Variants in DDX46 observed in about 807,000 individuals in gnomAD.
DDX46 encodes the protein probable ATP-dependent RNA helicase DDX46.
A neutral mutation model predicts 134.9 loss-of-function variants in DDX46; 30 were observed. That is an observed-to-expected ratio of 0.22 (90% CI 0.17 to 0.30). The LOEUF (loss-of-function observed/expected upper bound fraction) is 0.30, where lower values mean the gene tolerates loss of function less well. Among genes scored for constraint, DDX46 ranks in the 10% least tolerant of loss-of-function variants. The pLI is 1.00. For synonymous variants in DDX46, 415 were observed against 404.1 expected (o/e 1.03, Z -0.32); for missense variants, 622 against 1,248.7 (o/e 0.50, Z 7.56).
chr5:134,781,246 G>T lies in DDX46; in HGVS notation c.879G>T (p.Glu293Asp). ...ELMENDQDAM[E>D]YSSEEEEVDL... ...TGGAGAATGACCAGGATGCCATGGA[G>T]GTGATTTTTCTTAATTTTGACTTTG... The change falls in exon 7 of 23, where the codon GAG (glutamate) becomes GAT (aspartate). Residue 293 changes from glutamate to aspartate, a missense_variant and splice_region_variant. Physicochemically the swap from Glu to Asp is conservative, Grantham distance 45 (BLOSUM62 2). Around this residue, in one of 8 missense-constraint regions of DDX46, gnomAD observed 9 missense variants for 37.7 expected, o/e 0.24. Coordinates refer to ENST00000452510, the MANE Select transcript of DDX46 (RefSeq NM_001300860.2). 1 of 1,600,574 alleles carries T rather than the reference G, an allele frequency of 6.2e-7. No homozygotes were observed. Among genetic ancestry groups the T allele is most frequent in the South Asian group, 1.1e-5 (1 of 88,012 alleles).
chr5:134,797,167 CA>C (rs61547263), intron 15 of DDX46: 868 of 22,850 alleles, frequency 0.038, no homozygotes, highest in South Asian at 0.063. Context: ...AACTCCGTCT[CA>C]AAAAAAAAAA....
At chr5:134,771,869 G>T (rs973483323) in intron 4 of DDX46, among the ~76,000 whole-genome samples, 1 of 152,194 alleles carries the variant, frequency 6.6e-6, no homozygotes, top group Non-Finnish European at 1.5e-5. Flanking sequence ...CGCAATATCT[G>T]TTTTTACATA....
intron 18 of DDX46, among the ~76,000 whole-genome samples, chr5:134,813,109 T>C (rs1288736788): frequency 6.6e-6 from 1 of 151,926 alleles, no homozygotes; most frequent in Non-Finnish European, 1.5e-5. Context: ...GCTTGGCTAA[T>C]TTTTTTTGTA....
chr5:134,804,421 T>C (rs1754922995), intron 15 of DDX46, among the ~76,000 whole-genome samples: 1 of 152,128 alleles, frequency 6.6e-6, no homozygotes, highest in African/African-American at 2.4e-5. Context: ...TTGGCAAAAA[T>C]GTAAATCAGT....
At chr5:134,783,123 C>CA in intron 9 of DDX46, 58 bp downstream of exon 9, 1 of 1,576,638 alleles carries the variant, frequency 6.3e-7, no homozygotes, top group Non-Finnish European at 8.6e-7. Flanking sequence ...ATAGTCCTTC[C>CA]ACACCAGTGT....
At position 134,790,829 on chromosome 5, in the gene DDX46, A is replaced by AT. The variant is rs1248200615; in HGVS notation, c.1626+288dup. On this transcript the variant is annotated intron_variant, in intron 13 of 22. Coordinates refer to ENST00000452510, the MANE Select transcript of DDX46 (RefSeq NM_001300860.2). ...GTGCTAATAATAGAGCTTAAGCCTT[A>AT]TTTTTTTTTTTCAGATGGAGTCTTG... 3.1e-3 allele frequency among the ~76,000 whole-genome samples: 465 copies of AT among 148,000 alleles called. 4 individuals are homozygous for AT. The highest frequency in any genetic ancestry group is 0.016 in the South Asian group (73 of 4,676).
At chr5:134,783,846 G>T (rs987973659) in intron 9 of DDX46, among the ~76,000 whole-genome samples, 4 of 148,350 alleles carry the variant, frequency 2.7e-5, no homozygotes, top group African/African-American at 1.0e-4. Flanking sequence ...ACCAAGGCCG[G>T]CCTTTTTTTT....
intron 13 of DDX46, among the ~76,000 whole-genome samples, chr5:134,791,125 T>C (rs913429780): frequency 6.6e-6 from 1 of 152,262 alleles, no homozygotes; most frequent in Admixed American, 6.5e-5. Flanking sequence ...GCCCATTGTC[T>C]TTTTAAATAA....
chr5:134,765,411 G>C (rs1281328868), intron 2 of DDX46, among the ~76,000 whole-genome samples: 1 of 150,850 alleles, frequency 6.6e-6, no homozygotes, highest in Admixed American at 6.6e-5. Flanking sequence ...AAATTAGCCA[G>C]GTGTGGTGGT....
At chr5:134,760,981 G>A (rs914179856) in intron 1 of DDX46, among the ~76,000 whole-genome samples, 1 of 151,898 alleles carries the variant, frequency 6.6e-6, no homozygotes, top group African/African-American at 2.4e-5. Context: ...CACCCGCCTC[G>A]GCCTCCCAAA....
At chr5:134,791,459 G>C (rs1185468117) in intron 13 of DDX46, among the ~76,000 whole-genome samples, 1 of 152,090 alleles carries the variant, frequency 6.6e-6, no homozygotes, top group Non-Finnish European at 1.5e-5. Flanking sequence ...TACTCAGGAG[G>C]CTGAGGCAGG....
At chr5:134,827,361 G>A (rs1350265087) in intron 22 of DDX46, among the ~76,000 whole-genome samples, 2 of 151,212 alleles carry the variant, frequency 1.3e-5, no homozygotes, top group Non-Finnish European at 2.9e-5. Flanking sequence ...TGCAACCTCC[G>A]CCTCCTGCGT....
rs192713075 is a variant in DDX46, at chr5:134,774,264, A to G, written c.613+403A>G. On this transcript the variant is annotated intron_variant, in intron 5 of 22. Transcript: ENST00000452510. ...ACTTAGCATAATGTCTTCAAGGTGCATGTATGTTGTAGCATGTTGGAATTT... is the reference window on the plus strand; with the variant it reads ...ACTTAGCATAATGTCTTCAAGGTGCGTGTATGTTGTAGCATGTTGGAATTT... Among the ~76,000 whole-genome samples, 6 of 152,274 alleles carry G rather than the reference A, an allele frequency of 3.9e-5. No homozygotes were observed. In the East Asian group the frequency reaches 9.6e-4, roughly 24 times the overall value.
intron 1 of DDX46, among the ~76,000 whole-genome samples, chr5:134,762,279 G>A (rs865967394): frequency 6.6e-6 from 1 of 151,044 alleles, no homozygotes; most frequent in African/African-American, 2.4e-5. Flanking sequence ...ATTGGTGGGC[G>A]CGGTGGTGTG....
intron 15 of DDX46, among the ~76,000 whole-genome samples, chr5:134,804,154 C>T (rs537339513): frequency 2.6e-5 from 4 of 151,732 alleles, no homozygotes; most frequent in Non-Finnish European, 4.4e-5. Flanking sequence ...GGTGATCTGC[C>T]CACTTTGGCC....
chr5:134,823,619 A>T (rs1755515822), intron 21 of DDX46, among the ~76,000 whole-genome samples: 1 of 152,244 alleles, frequency 6.6e-6, no homozygotes, highest in African/African-American at 2.4e-5. Context: ...AGGTTTAAAA[A>T]TGGCATGCTT....
intron 1 of DDX46, among the ~76,000 whole-genome samples, chr5:134,760,189 AAG>A (rs1753333454): frequency 6.6e-6 from 1 of 152,160 alleles, no homozygotes; most frequent in Non-Finnish European, 1.5e-5. Context: ...TACTGCTTCC[AAG>A]ATGAAATTTA....
intron 12 of DDX46, 43 bp downstream of exon 12, chr5:134,788,634 C>T (rs911347924): frequency 1.3e-6 from 2 of 1,551,734 alleles, no homozygotes; most frequent in Middle Eastern, 1.8e-4. Context: ...TTTTTGAATT[C>T]TTTACTTTTT....
intron 18 of DDX46, 35 bp from the exon 19 acceptor site, chr5:134,816,395 G>T: frequency 1.3e-6 from 2 of 1,550,640 alleles, no homozygotes; most frequent in African/African-American, 1.4e-5. Context: ...TTCTAATTCA[G>T]TTTTTTACTA....
Sources: gnomAD v4.1 joint callset for allele counts (sites outside exome capture counted in the v4.1 genomes callset) on GRCh38, gnomAD v4.1.1 for gene constraint, gnomAD v4.1.1 regional missense constraint, MANE v1.5 for transcripts, NCBI Gene and HGNC (gene_info 2026-07-23, HGNC 2026-07-21) for gene names.